Variants in KCNQ3 observed in about 807,000 individuals in gnomAD.
KCNQ3 encodes potassium voltage-gated channel subfamily Q member 3, also known as potassium voltage-gated channel subfamily KQT member 3.
KCNQ3 carries 30 observed loss-of-function variants against 92.5 expected under a neutral mutation model. The ratio of observed to expected loss-of-function variants is 0.32; its 90% confidence interval spans 0.24 to 0.44. The LOEUF (loss-of-function observed/expected upper bound fraction) is 0.44, where lower values mean the gene tolerates loss of function less well. KCNQ3 is among the 20% of genes least tolerant of loss of function. The pLI is 1.00. For synonymous variants in KCNQ3, 450 were observed against 468.8 expected (o/e 0.96, Z 0.52); for missense variants, 913 against 1,140.3 (o/e 0.80, Z 2.87).
intron 1 of KCNQ3, among the ~76,000 whole-genome samples, chr8:132,261,586 T>C (rs989240503): frequency 1.3e-5 from 2 of 152,114 alleles, no homozygotes; most frequent in Non-Finnish European, 2.9e-5. Context: ...GGTGGCAGAA[T>C]GTGTGGGTGG....
rs116966775 is a variant in KCNQ3 at position 132,287,663 on chromosome 8, C to T, written c.387-101482G>A. ...CCTTGAAATTTGGTGGATCATTATG[C>T]TAAGTGACAACCAAGACATAAAATA... On this transcript the variant is annotated intron_variant, in intron 1 of 14. Transcript: ENST00000388996. 7.2e-3 allele frequency among the ~76,000 whole-genome samples: 1,097 copies of T among 152,216 alleles called. 9 individuals carry two copies. Among genetic ancestry groups the T allele is most frequent in the Non-Finnish European group, 0.012 (837 of 68,006 alleles).
At chr8:132,358,213 C>T (rs1160789844) in intron 1 of KCNQ3, among the ~76,000 whole-genome samples, 1 of 152,212 alleles carries the variant, frequency 6.6e-6, no homozygotes, top group Non-Finnish European at 1.5e-5. Context: ...AAGGCCTCAG[C>T]TTCTTCCACT....
At chr8:132,408,959 CTT>C (rs1394641046) in intron 1 of KCNQ3, among the ~76,000 whole-genome samples, 1 of 152,178 alleles carries the variant, frequency 6.6e-6, no homozygotes, top group Non-Finnish European at 1.5e-5. Flanking sequence ...ACATGAGACT[CTT>C]GAGTGGAGAA....
chr8:132,187,880 TGGTGGC>T (rs1827044975), intron 1 of KCNQ3, among the ~76,000 whole-genome samples: 1 of 93,474 alleles, frequency 1.1e-5, no homozygotes, highest in South Asian at 3.0e-4. Flanking sequence ...GTGATAGTGA[TGGTGGC>T]GGTGGTGGTG....
intron 8 of KCNQ3, 40 bp from the exon 9 acceptor site, chr8:132,163,534 C>T (rs764981394): frequency 3.6e-5 from 54 of 1,512,914 alleles, no homozygotes; most frequent in South Asian, 1.8e-4. Flanking sequence ...GCATAAATTA[C>T]GTGAAACAGC....
At chr8:132,195,621 C>A (rs1212556025) in intron 1 of KCNQ3, among the ~76,000 whole-genome samples, 1 of 152,186 alleles carries the variant, frequency 6.6e-6, no homozygotes, top group Non-Finnish European at 1.5e-5. Flanking sequence ...TGCCAAACCC[C>A]TGTCTAAATA....
intron 2 of KCNQ3, among the ~76,000 whole-genome samples, chr8:132,185,137 G>T (rs1826921261): frequency 6.6e-6 from 1 of 152,162 alleles, no homozygotes; most frequent in African/African-American, 2.4e-5. Context: ...TGGTTTCCAG[G>T]GAGTTCCACA....
At chr8:132,412,927 C>T (rs1040267166) in intron 1 of KCNQ3, among the ~76,000 whole-genome samples, 3 of 152,202 alleles carry the variant, frequency 2.0e-5, no homozygotes, top group South Asian at 4.1e-4. Context: ...GAGGCAGCCT[C>T]GATGTCCCAT....
At chr8:132,456,983 C>T (rs1821957115) in intron 1 of KCNQ3, among the ~76,000 whole-genome samples, 1 of 152,208 alleles carries the variant, frequency 6.6e-6, no homozygotes. Context: ...CATTCTGCAG[C>T]CTCCTACATA....
chr8:132,163,367 G>C (rs920249498), intron 9 of KCNQ3, 101 bp downstream of exon 9: 4 of 958,486 alleles, frequency 4.2e-6, no homozygotes, highest in Non-Finnish European at 6.8e-6. Context: ...ACTCTATCTT[G>C]GGACCAGCAT....
intron 1 of KCNQ3, among the ~76,000 whole-genome samples, chr8:132,411,772 A>G (rs920404564): frequency 6.6e-6 from 1 of 152,090 alleles, no homozygotes; most frequent in African/African-American, 2.4e-5. Context: ...GACTCAAACA[A>G]CTGAGGGACT....
At chr8:132,363,568 C>T (rs73708408) in intron 1 of KCNQ3, among the ~76,000 whole-genome samples, 1 of 151,960 alleles carries the variant, frequency 6.6e-6, no homozygotes, top group East Asian at 1.9e-4. Context: ...CTCATACATG[C>T]GGGCAGCCCC....
intron 1 of KCNQ3, among the ~76,000 whole-genome samples, chr8:132,213,843 G>T (rs542383693): frequency 6.6e-6 from 1 of 152,182 alleles, no homozygotes; most frequent in African/African-American, 2.4e-5. Flanking sequence ...GCTTCTCAAG[G>T]CTAAGTTATG....
intron 1 of KCNQ3, among the ~76,000 whole-genome samples, chr8:132,452,415 G>A (rs1821842635): frequency 1.3e-5 from 2 of 152,166 alleles, no homozygotes; most frequent in Non-Finnish European, 2.9e-5. Flanking sequence ...TGTAACAAGT[G>A]TCAGAAATGC....
At chr8:132,352,215 G>GT (rs1818893538) in intron 1 of KCNQ3, among the ~76,000 whole-genome samples, 1 of 152,158 alleles carries the variant, frequency 6.6e-6, no homozygotes, top group African/African-American at 2.4e-5. Context: ...AAGCAGTGCT[G>GT]TAAGACAGTG....
intron 1 of KCNQ3, among the ~76,000 whole-genome samples, chr8:132,280,507 A>G (rs1335766873): frequency 6.6e-6 from 1 of 152,196 alleles, no homozygotes; most frequent in African/African-American, 2.4e-5. Context: ...CTCACTCACT[A>G]TAGCGGGAAC....
chr8:132,148,942 C>T (rs1323703504), intron 9 of KCNQ3, among the ~76,000 whole-genome samples: 2 of 152,168 alleles, frequency 1.3e-5, no homozygotes, highest in Non-Finnish European at 2.9e-5. Context: ...ATTATGTGAG[C>T]CAATTCCTAT....
intron 1 of KCNQ3, among the ~76,000 whole-genome samples, chr8:132,219,104 G>A (rs574039918): frequency 9.9e-5 from 15 of 152,270 alleles, no homozygotes; most frequent in African/African-American, 3.4e-4. Flanking sequence ...GGTCAATACC[G>A]GCAAATGGAG....
intron 1 of KCNQ3, among the ~76,000 whole-genome samples, chr8:132,350,164 T>A (rs972478629): frequency 6.6e-6 from 1 of 152,184 alleles, no homozygotes; most frequent in South Asian, 2.1e-4. Flanking sequence ...TCCGGATACA[T>A]CTTGCAGACA....
Sources: allele counts gnomAD v4.1 joint callset (sites outside exome capture counted in the v4.1 genomes callset), GRCh38; gene constraint gnomAD v4.1.1; transcripts MANE v1.5; gene names NCBI Gene and HGNC (gene_info 2026-07-23, HGNC 2026-07-21).